Variants in BDNF observed in about 807,000 individuals in gnomAD.
The protein encoded by BDNF is brain derived neurotrophic factor, also known as neurotrophic factor BDNF precursor form.
A neutral mutation model predicts 19.5 loss-of-function variants in BDNF; 1 was observed. The ratio of observed to expected loss-of-function variants is 0.05; its 90% CI spans 0.02 to 0.24. The LOEUF (loss-of-function observed/expected upper bound fraction) is 0.24. Ranked by LOEUF, BDNF falls within the 10% of genes least tolerant of loss-of-function variation. The pLI, the probability that BDNF is intolerant of heterozygous loss-of-function variation, is 1.00. For synonymous variants in BDNF, 100 were observed against 121.6 expected (o/e 0.82, Z 1.17); for missense variants, 195 against 317.6 (o/e 0.61, Z 2.93).
At position 27,699,270 on chromosome 11, in the gene BDNF, C is replaced by T. The variant is rs573580345; in HGVS notation, c.-22+894G>A. 535 of 1,476,148 alleles carry T rather than the reference C, an allele frequency of 3.6e-4. 3 individuals carry two copies. In the South Asian group the frequency reaches 4.3e-3, roughly 12 times the overall value. The allele number at this position is 1,476,148 out of a possible 1,614,324, so 91.4% of individuals were successfully genotyped here. ...CATCCTCCAGTTCACCCTCGCAGCCCCGAGGCTTCTTCCTTAGGGATGCCC... is the reference window on the plus strand; with the variant it reads ...CATCCTCCAGTTCACCCTCGCAGCCTCGAGGCTTCTTCCTTAGGGATGCCC... On this transcript the variant is annotated intron_variant, in intron 1 of 1. Transcript: ENST00000356660.
chr11:27,714,934 A>G (rs1299797206), intron 1 of BDNF, among the ~76,000 whole-genome samples: 2 of 152,092 alleles, frequency 1.3e-5, no homozygotes, highest in Non-Finnish European at 2.9e-5. Flanking sequence ...TGTTCTCTTG[A>G]AAAAAGGAAT....
chr11:27,718,844 G>A (rs928305500), intron 1 of BDNF, among the ~76,000 whole-genome samples: 8 of 152,060 alleles, frequency 5.3e-5, no homozygotes, highest in Non-Finnish European at 1.0e-4. Flanking sequence ...TTGAGTTTCG[G>A]AAACAGATTT....
Position 27,658,631 on chromosome 11 carries a change from T to C in BDNF, c.-21-46A>G, listed in dbSNP as rs201522102. On this transcript the variant is annotated intron_variant, in intron 1 of 1. Transcript: ENST00000356660. This position sits in a 1 kb window ranked among gnomAD's most constrained non-coding sequence, Gnocchi z 5.7. ...CAAGACAGAAAACTGGTTAGGGCTT[T>C]CTTTCACCGGGATGCCATGTGGCCC... 3.1e-6 allele frequency: 5 copies of C among 1,614,018 alleles called. No individual in the cohort carries two copies. Among genetic ancestry groups the C allele is most frequent in the Non-Finnish European group, 4.2e-6 (5 of 1,180,018 alleles).
chr11:27,720,956 A>T (rs950162511), intron 1 of BDNF, among the ~76,000 whole-genome samples: 2 of 21,862 alleles, frequency 9.1e-5, no homozygotes, highest in Admixed American at 4.1e-4. Context: ...CCCACCCCCC[A>T]TCTACACCTA....
chr11:27,697,162 C>CAT (rs1271043342), intron 1 of BDNF, among the ~76,000 whole-genome samples: 1 of 125,134 alleles, frequency 8.0e-6, no homozygotes, highest in Non-Finnish European at 1.7e-5. Flanking sequence ...CACACACACA[C>CAT]ACAGAGAGAG....
chr11:27,672,943 A>C (rs1475735562), intron 1 of BDNF, among the ~76,000 whole-genome samples: 1 of 152,184 alleles, frequency 6.6e-6, no homozygotes, highest in East Asian at 1.9e-4. Flanking sequence ...CCAAACACCA[A>C]GAAGTCACCA....
chr11:27,673,095 C>T (rs1855613271), intron 1 of BDNF, among the ~76,000 whole-genome samples: 1 of 152,144 alleles, frequency 6.6e-6, no homozygotes, highest in African/African-American at 2.4e-5. Context: ...ATTCTACCTT[C>T]AGCCCCACAT....
intron 1 of BDNF, among the ~76,000 whole-genome samples, chr11:27,693,364 G>C (rs770771827): frequency 6.6e-6 from 1 of 151,952 alleles, no homozygotes; most frequent in Non-Finnish European, 1.5e-5. Context: ...CCCTAAAACC[G>C]TGCCCGCAAC....
chr11:27,702,801 A>G (rs918178748), upstream of BDNF, among the ~76,000 whole-genome samples: 13 of 152,236 alleles, frequency 8.5e-5, no homozygotes, highest in African/African-American at 3.1e-4. Flanking sequence ...ATCCTCTGCC[A>G]GGAAATAATT....
chr11:27,691,854 G>C (rs566154970), intron 1 of BDNF, among the ~76,000 whole-genome samples: 1 of 152,300 alleles, frequency 6.6e-6, no homozygotes, highest in Non-Finnish European at 1.5e-5. Flanking sequence ...TTGGAAAACT[G>C]TAATATCTGA....
At chr11:27,702,646 C>T (rs370748158), upstream of BDNF, among the ~76,000 whole-genome samples, 13 of 152,260 alleles carry the variant, frequency 8.5e-5, 1 homozygote, top group African/African-American at 3.1e-4. Flanking sequence ...TGCTGTTGAA[C>T]TGAATATATA....
intron 1 of BDNF, among the ~76,000 whole-genome samples, chr11:27,715,432 TG>T (rs1224501529): frequency 1.3e-5 from 2 of 152,188 alleles, no homozygotes; most frequent in East Asian, 3.8e-4. Flanking sequence ...TCTTTGTATT[TG>T]TTTTTTGGGG....
intron 1 of BDNF, among the ~76,000 whole-genome samples, chr11:27,687,537 C>T (rs1370215309): frequency 6.6e-6 from 1 of 152,226 alleles, no homozygotes; most frequent in East Asian, 1.9e-4. Flanking sequence ...TTTCCTCATC[C>T]TTGTGGATTT....
chr11:27,686,663 G>GT (rs1186299916), intron 1 of BDNF, among the ~76,000 whole-genome samples: 1 of 152,124 alleles, frequency 6.6e-6, no homozygotes, highest in African/African-American at 2.4e-5. Context: ...CTGAAGCTTA[G>GT]TTGGCTGGAT....
chr11:27,710,957 A>G (rs768725958), intron 1 of BDNF, among the ~76,000 whole-genome samples: 8 of 152,206 alleles, frequency 5.3e-5, no homozygotes, highest in Non-Finnish European at 1.0e-4. Context: ...TTCAGATTCT[A>G]ATCTCTTCAG....
chr11:27,721,260 A>G, intron 1 of BDNF: 1 of 862,492 alleles, frequency 1.2e-6, no homozygotes, highest in East Asian at 2.5e-5. Flanking sequence ...AATGATTCCA[A>G]TTAAAGTTGC....
chr11:27,698,550 C>T (rs555924412), intron 1 of BDNF, among the ~76,000 whole-genome samples: 54 of 152,030 alleles, frequency 3.6e-4, no homozygotes, highest in Non-Finnish European at 7.1e-4. Context: ...ACCAAAATGG[C>T]TTTTGACCTT....
upstream of BDNF, among the ~76,000 whole-genome samples, chr11:27,703,910 A>G (rs1375496625): frequency 6.6e-6 from 1 of 152,218 alleles, no homozygotes; most frequent in African/African-American, 2.4e-5. Context: ...ACATTCAAAA[A>G]CAATGAAGCC....
At chr11:27,695,978 A>T (rs181339599) in intron 1 of BDNF, among the ~76,000 whole-genome samples, 1 of 152,228 alleles carries the variant, frequency 6.6e-6, no homozygotes, top group Admixed American at 6.5e-5. Context: ...TTCCTGTTCC[A>T]CTTAAAGAAC....
Sources: gnomAD v4.1 joint callset for allele counts (sites outside exome capture counted in the v4.1 genomes callset) on GRCh38, gnomAD v4.1.1 for gene constraint, Gnocchi (gnomAD v3.1) non-coding constraint, MANE v1.5 for transcripts, NCBI Gene and HGNC (gene_info 2026-07-23, HGNC 2026-07-21) for gene names.